Variants in ZNF407 observed in about 807,000 individuals in gnomAD.
The protein encoded by ZNF407 is zinc finger protein 407.
In ZNF407, 17 loss-of-function variants were observed where a neutral mutation model predicts 131.2. That is an observed-to-expected ratio of 0.13 (90% CI 0.09 to 0.19). ZNF407 has a LOEUF of 0.19. ZNF407 is among the 10% of genes least tolerant of loss of function. The probability of loss-of-function intolerance (pLI) is 1.00; values close to 1 mark genes in which losing one functional copy is unlikely to be tolerated. For synonymous variants in ZNF407, 1,156 were observed against 1,062.0 expected, an observed-to-expected ratio of 1.09 and a Z score of -1.72; for missense variants, 2,681 against 2,830.6, an observed-to-expected ratio of 0.95 and a Z score of 1.20.
chr18:74,714,898 G>A (rs550406368), intron 3 of ZNF407, among the ~76,000 whole-genome samples: 1 of 152,110 alleles, frequency 6.6e-6, no homozygotes, highest in East Asian at 1.9e-4. Flanking sequence ...GCTTTTTCTT[G>A]CATAAATCTC....
At chr18:74,952,773 T>C (rs1441222177) in intron 8 of ZNF407, among the ~76,000 whole-genome samples, 2 of 152,160 alleles carry the variant, frequency 1.3e-5, no homozygotes, top group Non-Finnish European at 2.9e-5. Flanking sequence ...ACCATGGCCA[T>C]AATTAAAATA....
intron 3 of ZNF407, among the ~76,000 whole-genome samples, chr18:74,679,912 G>A (rs968621249): frequency 6.6e-6 from 1 of 152,174 alleles, no homozygotes; most frequent in African/African-American, 2.4e-5. Flanking sequence ...CATCTCCCTT[G>A]GGAAGGGTTT....
chr18:74,777,223 T>A (rs1247760722), intron 3 of ZNF407, among the ~76,000 whole-genome samples: 2 of 149,232 alleles, frequency 1.3e-5, no homozygotes, highest in African/African-American at 2.5e-5. Context: ...AAAATAAGAT[T>A]TTTTTTTTTA....
chr18:74,656,978 T>G (rs1451858388), intron 3 of ZNF407, among the ~76,000 whole-genome samples: 2 of 152,180 alleles, frequency 1.3e-5, no homozygotes, highest in Non-Finnish European at 2.9e-5. Context: ...CTTATTACTG[T>G]GATATACTTC....
At chr18:74,759,690 C>T (rs1213757686) in intron 3 of ZNF407, among the ~76,000 whole-genome samples, 1 of 151,870 alleles carries the variant, frequency 6.6e-6, no homozygotes, top group Non-Finnish European at 1.5e-5. Context: ...TTTTCAGCTC[C>T]AGAATTTATA....
At chr18:74,761,249 C>T (rs1207876227) in intron 3 of ZNF407, among the ~76,000 whole-genome samples, 1 of 152,066 alleles carries the variant, frequency 6.6e-6, no homozygotes, top group Non-Finnish European at 1.5e-5. Context: ...GAGCATTGTA[C>T]AATAAATGTT....
chr18:74,797,147 G>A (rs1056397130), intron 4 of ZNF407, among the ~76,000 whole-genome samples: 4 of 152,060 alleles, frequency 2.6e-5, no homozygotes, highest in African/African-American at 9.7e-5. Context: ...TTACTCACCT[G>A]TTATTTTTAG....
intron 4 of ZNF407, among the ~76,000 whole-genome samples, chr18:74,823,548 C>T (rs1022937928): frequency 1.3e-5 from 2 of 152,054 alleles, no homozygotes; most frequent in African/African-American, 4.8e-5. Flanking sequence ...CAAAAAAAAG[C>T]AGGAGTTGCA....
intron 6 of ZNF407, among the ~76,000 whole-genome samples, chr18:74,883,811 T>G (rs1455540364): frequency 1.3e-5 from 2 of 152,202 alleles, no homozygotes; most frequent in Non-Finnish European, 2.9e-5. Flanking sequence ...TGCAGTATGT[T>G]TCTTAATGGT....
chr18:74,845,427 G>T (rs1423123015), intron 4 of ZNF407, among the ~76,000 whole-genome samples: 1 of 152,168 alleles, frequency 6.6e-6, no homozygotes, highest in African/African-American at 2.4e-5. Context: ...AAACATAAAA[G>T]AATTATTTAA....
chr18:74,979,122 G>A (rs1448451639), intron 8 of ZNF407, among the ~76,000 whole-genome samples: 1 of 152,066 alleles, frequency 6.6e-6, no homozygotes, highest in Non-Finnish European at 1.5e-5. Flanking sequence ...GGTGTGGTAC[G>A]ACCGAGAAAC....
At position 74,634,602 on chromosome 18, in the gene ZNF407, C is replaced by G. The variant is rs754003933; in HGVS notation, c.3583C>G (p.Pro1195Ala). ...SLTMSSNYGS[P>A]SRFQNENSGS... Reference sequence around the variant, plus strand: ...TACTATGTCCTCAAACTATGGCTCCCCAAGCAGATTTCAAAATGAAAATTC... The same window carrying G: ...TACTATGTCCTCAAACTATGGCTCCGCAAGCAGATTTCAAAATGAAAATTC... Residue 1195 changes from proline (P) to alanine (A), a missense_variant, in exon 2 of 9, where the codon CCA (proline) becomes GCA (alanine). Around this residue, in one of 6 missense-constraint regions of ZNF407, gnomAD observed 1,789 missense variants for 1,748.7 expected, o/e 1.02. Transcript: ENST00000299687. The G allele has an allele frequency of 1.2e-6, 2 of 1,613,698 alleles. No homozygotes were observed. Among genetic ancestry groups the G allele is most frequent in the East Asian group, 4.5e-5 (2 of 44,892 alleles).
At chr18:74,656,424 A>G (rs1191629389) in intron 3 of ZNF407, among the ~76,000 whole-genome samples, 1 of 152,122 alleles carries the variant, frequency 6.6e-6, no homozygotes, top group South Asian at 2.1e-4. Flanking sequence ...CTTAAAGGAC[A>G]AAGGATTTTT....
chr18:74,905,338 G>T (rs750044748), intron 7 of ZNF407: 1 of 152,238 alleles, frequency 6.6e-6, no homozygotes, highest in Admixed American at 6.5e-5. Context: ...GCTCCCAGAC[G>T]TTTAGAAAAG....
chr18:74,921,965 G>A (rs1971852502), intron 8 of ZNF407, among the ~76,000 whole-genome samples: 1 of 152,140 alleles, frequency 6.6e-6, no homozygotes, highest in African/African-American at 2.4e-5. Flanking sequence ...GCTCATTACT[G>A]TTCTTTCATA....
At position 74,880,288 on chromosome 18, in the gene ZNF407, T is replaced by G. The variant is rs570972092; in HGVS notation, c.5045-748T>G. ...TGAAAATGCTTAAAAAAATGAGCAT[T>G]TGCACACATTTAACAAATACTAAGT... is the stretch of plus-strand genomic sequence containing the variant. On this transcript the variant is annotated intron_variant, in intron 5 of 8. Coordinates refer to ENST00000299687, the MANE Select transcript of ZNF407 (RefSeq NM_017757.3). Among the ~76,000 whole-genome samples, 27 of 152,282 alleles carry G rather than the reference T, an allele frequency of 1.8e-4. No homozygotes were observed. The South Asian group carries it at 5.6e-3, about 32-fold the overall frequency.
chr18:74,884,306 A>T (rs900924733), intron 6 of ZNF407, among the ~76,000 whole-genome samples: 1 of 152,354 alleles, frequency 6.6e-6, no homozygotes, highest in East Asian at 1.9e-4. Context: ...ATATTTCTGT[A>T]GTATATTTTC....
rs561780297 is a variant in ZNF407, at chr18:74,768,697, G to A, written c.4803-12731G>A. ...TTACACCGTTGTTATATTCCAGTAG[G>A]CCTCAATTTTCTCATTTATAAGTTG... On this transcript the variant is annotated intron_variant, in intron 3 of 8. Coordinates refer to ENST00000299687, the MANE Select transcript of ZNF407 (RefSeq NM_017757.3). Among the ~76,000 whole-genome samples the A allele has an allele frequency of 3.3e-5, 5 of 152,172 alleles. No homozygotes were observed. The South Asian group carries it at 1.0e-3, about 32-fold the overall frequency.
chr18:74,998,475 A>C (rs9946036), intron 8 of ZNF407, among the ~76,000 whole-genome samples: 3,472 of 152,208 alleles, frequency 0.023, 130 homozygotes, highest in African/African-American at 0.079. Context: ...TCTTTCTTTC[A>C]CATAGATCAT....
Sources: allele counts gnomAD v4.1 joint callset (sites outside exome capture counted in the v4.1 genomes callset), GRCh38; gene constraint gnomAD v4.1.1; regional missense constraint gnomAD v4.1.1; transcripts MANE v1.5; gene names NCBI Gene and HGNC (gene_info 2026-07-23, HGNC 2026-07-21).